PAK5: variants seen among roughly 807,000 people sequenced by gnomAD.
PAK5 encodes the protein p21 (RAC1) activated kinase 5, also known as serine/threonine-protein kinase PAK 5.
PAK5 carries 16 observed loss-of-function variants against 65.9 expected under a neutral mutation model. The ratio of observed to expected loss-of-function variants is 0.24; its 90% confidence interval spans 0.16 to 0.37. The LOEUF is 0.37. PAK5 is among the 10% of genes least tolerant of loss of function. PAK5 has a pLI of 1.00. For synonymous variants in PAK5, 371 were observed against 354.9 expected (o/e 1.05, Z -0.51); for missense variants, 785 against 903.9 (o/e 0.87, Z 1.69).
At chr20:9,631,998 A>T (rs1035938768) in intron 3 of PAK5, among the ~76,000 whole-genome samples, 2 of 152,216 alleles carry the variant, frequency 1.3e-5, no homozygotes, top group African/African-American at 4.8e-5. Flanking sequence ...TAGTGTCCCA[A>T]TTTCTATAAG....
intron 4 of PAK5, among the ~76,000 whole-genome samples, chr20:9,578,554 C>T (rs1462968970): frequency 1.3e-5 from 2 of 152,122 alleles, no homozygotes; most frequent in Non-Finnish European, 2.9e-5. Flanking sequence ...CACAAATATG[C>T]AAATAAGCCA....
intron 3 of PAK5, among the ~76,000 whole-genome samples, chr20:9,596,999 T>G (rs1336267932): frequency 6.6e-6 from 1 of 152,156 alleles, no homozygotes; most frequent in Non-Finnish European, 1.5e-5. Context: ...AGTTGCAAGG[T>G]CTCAAAGAAT....
chr20:9,542,833 C>T (rs1371877373), intron 8 of PAK5, 113 bp from the exon 9 acceptor site: 3 of 894,026 alleles, frequency 3.4e-6, no homozygotes, highest in Admixed American at 4.8e-5. Context: ...TGTAACCTCT[C>T]AACATTTACA....
rs201702034 is a variant in PAK5, at chr20:9,627,252, AT to A, written c.204+16872del. ...AGGACATGGAGATTTGACGAAAGCT[AT>A]TTCCTCATGCACCTCTCCTTAGTGT... is the stretch of plus-strand genomic sequence containing the variant. On this transcript the variant is annotated intron_variant, in intron 3 of 9. Transcript: ENST00000353224. Among the ~76,000 whole-genome samples the A allele has an allele frequency of 2.6e-3, 403 of 152,296 alleles. 2 individuals are homozygous for A. The highest frequency in any genetic ancestry group is 8.9e-3 in the African/African-American group (372 of 41,570).
At chr20:9,589,268 G>A (rs929871070) in intron 3 of PAK5, among the ~76,000 whole-genome samples, 7 of 152,156 alleles carry the variant, frequency 4.6e-5, no homozygotes, top group African/African-American at 1.4e-4. Context: ...GTAAAGAACT[G>A]TCTTCCTTGT....
intron 3 of PAK5, among the ~76,000 whole-genome samples, chr20:9,589,705 T>C (rs1603234494): frequency 6.6e-6 from 1 of 152,282 alleles, no homozygotes; most frequent in East Asian, 1.9e-4. Context: ...AGTTTCACCT[T>C]TGTTGCCCAG....
chr20:9,641,015 A>C (rs2047051653), intron 3 of PAK5, among the ~76,000 whole-genome samples: 1 of 152,140 alleles, frequency 6.6e-6, no homozygotes, highest in African/African-American at 2.4e-5. Context: ...TTATTCTTTT[A>C]TCTGGCCCCA....
At chr20:9,802,922 A>G (rs1371925855) in intron 1 of PAK5, among the ~76,000 whole-genome samples, 7 of 133,514 alleles carry the variant, frequency 5.2e-5, no homozygotes, top group African/African-American at 1.4e-4. Flanking sequence ...ATATATATAT[A>G]TATATATATA....
At chr20:9,642,509 C>A (rs1033349384) in intron 3 of PAK5, among the ~76,000 whole-genome samples, 12 of 152,132 alleles carry the variant, frequency 7.9e-5, no homozygotes, top group Admixed American at 7.9e-4. Flanking sequence ...CTTTTCAGGG[C>A]ACACTGCTCA....
chr20:9,626,741 G>T (rs1259500350), intron 3 of PAK5, among the ~76,000 whole-genome samples: 177 of 152,216 alleles, frequency 1.2e-3, no homozygotes, highest in African/African-American at 3.9e-3. Context: ...TTACAGTTTG[G>T]ACTGAATTAC....
intron 3 of PAK5, among the ~76,000 whole-genome samples, chr20:9,624,788 A>T (rs1015222944): frequency 6.6e-6 from 1 of 152,078 alleles, no homozygotes; most frequent in Non-Finnish European, 1.5e-5. Context: ...CTGTAAAAGA[A>T]GGATAATACC....
At chr20:9,645,251 G>T (rs1225527323) in intron 2 of PAK5, among the ~76,000 whole-genome samples, 2 of 152,188 alleles carry the variant, frequency 1.3e-5, no homozygotes. Context: ...TTACCTGTTT[G>T]AAACAACATA....
intron 1 of PAK5, among the ~76,000 whole-genome samples, chr20:9,752,483 G>C (rs2048588318): frequency 6.6e-6 from 1 of 152,128 alleles, no homozygotes; most frequent in South Asian, 2.1e-4. Context: ...TACCAGGGGA[G>C]AGATAATGGT....
chr20:9,593,231 G>A (rs192042848), intron 3 of PAK5, among the ~76,000 whole-genome samples: 6 of 152,140 alleles, frequency 3.9e-5, no homozygotes, highest in African/African-American at 1.4e-4. Flanking sequence ...TTGAGCCCAG[G>A]AGTTGGAGTT....
chr20:9,802,516 C>T (rs965512122), intron 1 of PAK5, among the ~76,000 whole-genome samples: 2 of 152,062 alleles, frequency 1.3e-5, no homozygotes, highest in Non-Finnish European at 2.9e-5. Flanking sequence ...CTGTTGGAGG[C>T]ATTAACTTCT....
At chr20:9,792,546 C>T (rs1172436216) in intron 1 of PAK5, among the ~76,000 whole-genome samples, 1 of 152,122 alleles carries the variant, frequency 6.6e-6, no homozygotes, top group Non-Finnish European at 1.5e-5. Context: ...TTAAGTGGGA[C>T]AGTAACTTAT....
At chr20:9,649,306 T>G (rs866349303) in intron 2 of PAK5, among the ~76,000 whole-genome samples, 1 of 152,248 alleles carries the variant, frequency 6.6e-6, no homozygotes, top group African/African-American at 2.4e-5. Context: ...AATATTAGTT[T>G]AGTTCCTAGA....
At chr20:9,737,594 T>C (rs2048403800) in intron 1 of PAK5, among the ~76,000 whole-genome samples, 1 of 152,110 alleles carries the variant, frequency 6.6e-6, no homozygotes. Flanking sequence ...GAGAAAATGT[T>C]TTAATTGCAG....
intron 1 of PAK5, among the ~76,000 whole-genome samples, chr20:9,739,541 T>A (rs2048428145): frequency 6.6e-6 from 1 of 152,132 alleles, no homozygotes; most frequent in Non-Finnish European, 1.5e-5. Flanking sequence ...CAAGGGACAG[T>A]GCCATTTTTA....
Sources: gnomAD v4.1 joint callset for allele counts (sites outside exome capture counted in the v4.1 genomes callset) on GRCh38, gnomAD v4.1.1 for gene constraint, MANE v1.5 for transcripts, NCBI Gene and HGNC (gene_info 2026-07-23, HGNC 2026-07-21) for gene names.